HDAC9: variants seen among roughly 807,000 people sequenced by gnomAD.
HDAC9 encodes the protein MEF-2 interacting transcription repressor (MITR) protein.
In HDAC9, 41 loss-of-function variants were observed where a neutral mutation model predicts 139.4. That is an observed-to-expected ratio of 0.29 (90% CI 0.23 to 0.38). HDAC9 has a LOEUF of 0.38. HDAC9 is among the 10% of genes least tolerant of loss of function. HDAC9 has a pLI of 1.00. For missense variants in HDAC9, 1,147 were observed against 1,297.0 expected (o/e 0.88, Z 1.78); for synonymous variants, 517 against 476.2 (o/e 1.09, Z -1.12).
chr7:18,953,521 G>A (rs940370243), intron 23 of HDAC9, among the ~76,000 whole-genome samples: 4 of 152,130 alleles, frequency 2.6e-5, no homozygotes, highest in Admixed American at 2.0e-4. Context: ...AGATTTGCAA[G>A]GTAGGAGTTT....
intron 1 of HDAC9, among the ~76,000 whole-genome samples, chr7:18,402,146 A>G (rs557161255): frequency 1.3e-5 from 2 of 152,216 alleles, no homozygotes; most frequent in Non-Finnish European, 2.9e-5. Context: ...GGGGGTGGAT[A>G]CAATGAAAAA....
chr7:18,742,512 CA>C (rs1383824911), intron 13 of HDAC9, among the ~76,000 whole-genome samples: 1 of 152,070 alleles, frequency 6.6e-6, no homozygotes, highest in African/African-American at 2.4e-5. Flanking sequence ...ATAAGCAAAC[CA>C]AAAAACTCAT....
intron 9 of HDAC9, among the ~76,000 whole-genome samples, chr7:18,646,709 A>G (rs1258955737): frequency 6.6e-6 from 1 of 152,152 alleles, no homozygotes; most frequent in Admixed American, 6.6e-5. Flanking sequence ...TTGAAAAGAA[A>G]CATGCCACAT....
At chr7:18,253,202 T>C (rs1271266818) in intron 2 of HDAC9, among the ~76,000 whole-genome samples, 1 of 152,244 alleles carries the variant, frequency 6.6e-6, no homozygotes, top group Non-Finnish European at 1.5e-5. Context: ...TGAATACTAC[T>C]GCAGTGAGCA....
intron 21 of HDAC9, among the ~76,000 whole-genome samples, chr7:18,857,747 T>G (rs1245691623): frequency 3.3e-5 from 5 of 152,108 alleles, no homozygotes; most frequent in Non-Finnish European, 7.4e-5. Context: ...TCACTGTAGA[T>G]GTTCAATGAA....
chr7:18,650,537 T>C (rs965013943), intron 11 of HDAC9, among the ~76,000 whole-genome samples: 2 of 152,200 alleles, frequency 1.3e-5, no homozygotes, highest in Non-Finnish European at 2.9e-5. Context: ...TCAGAATCTT[T>C]CCTTTTCAGT....
intron 7 of HDAC9, 72 bp downstream of exon 7, chr7:18,629,553 AC>A (rs1209071638): frequency 7.3e-7 from 1 of 1,370,916 alleles, no homozygotes; most frequent in Admixed American, 2.3e-5. Context: ...GAATAAATAT[AC>A]CTGCTGCATA....
intron 2 of HDAC9, among the ~76,000 whole-genome samples, chr7:18,552,546 C>T (rs1817495153): frequency 6.6e-6 from 1 of 152,106 alleles, no homozygotes; most frequent in South Asian, 2.1e-4. Context: ...GCAGAAGCTG[C>T]TTCTTTATTT....
intron 21 of HDAC9, among the ~76,000 whole-genome samples, chr7:18,838,799 TA>T (rs1796400544): frequency 6.6e-6 from 1 of 151,982 alleles, no homozygotes; most frequent in Non-Finnish European, 1.5e-5. Context: ...TCTGGACTCT[TA>T]CAAGTATCTT....
At chr7:18,970,646 G>C (rs749866757) in intron 24 of HDAC9, among the ~76,000 whole-genome samples, 1 of 152,010 alleles carries the variant, frequency 6.6e-6, no homozygotes, top group Non-Finnish European at 1.5e-5. Flanking sequence ...TCTTAAAAAC[G>C]TATTAAGTTT....
chr7:18,642,317 C>T (rs1446352701), intron 8 of HDAC9, among the ~76,000 whole-genome samples: 1 of 152,074 alleles, frequency 6.6e-6, no homozygotes, highest in Non-Finnish European at 1.5e-5. Flanking sequence ...GCTTCAGAGC[C>T]TGAGTTTGCT....
chr7:18,419,734 T>C (rs879683875), intron 1 of HDAC9, among the ~76,000 whole-genome samples: 7 of 152,236 alleles, frequency 4.6e-5, no homozygotes, highest in African/African-American at 7.2e-5. Flanking sequence ...CCCATTTTTT[T>C]TTTAATAAAT....
intron 21 of HDAC9, among the ~76,000 whole-genome samples, chr7:18,866,143 T>C (rs190516791): frequency 1.3e-5 from 2 of 150,038 alleles, no homozygotes; most frequent in Admixed American, 1.3e-4. Context: ...TTTCCAACCA[T>C]CTTTCCTTTC....
At chr7:18,876,799 T>C (rs535925595) in intron 22 of HDAC9, among the ~76,000 whole-genome samples, 2 of 151,528 alleles carry the variant, frequency 1.3e-5, no homozygotes, top group East Asian at 3.9e-4. Flanking sequence ...GCCTCCCGGG[T>C]TTAAGCAGTT....
intron 1 of HDAC9, among the ~76,000 whole-genome samples, chr7:18,468,033 G>C (rs1396949031): frequency 6.6e-6 from 1 of 152,144 alleles, no homozygotes; most frequent in Non-Finnish European, 1.5e-5. Flanking sequence ...AAAGATCATG[G>C]AGGTGAAGTA....
chr7:18,294,862 G>C (rs1291969630), intron 1 of HDAC9, among the ~76,000 whole-genome samples: 3 of 152,156 alleles, frequency 2.0e-5, no homozygotes, highest in Non-Finnish European at 4.4e-5. Context: ...TGTCAGGGGT[G>C]TAGGGGCAGT....
At chr7:18,567,402 ATACT>A (rs974123742) in intron 2 of HDAC9, among the ~76,000 whole-genome samples, 3 of 152,188 alleles carry the variant, frequency 2.0e-5, no homozygotes, top group Non-Finnish European at 4.4e-5. Flanking sequence ...AACCATGATA[ATACT>A]TACCTTTTTA....
chr7:18,190,172 T>A (rs549231775), intron 2 of HDAC9, among the ~76,000 whole-genome samples: 1 of 152,294 alleles, frequency 6.6e-6, no homozygotes, highest in Admixed American at 6.5e-5. Flanking sequence ...TCAAAACTCC[T>A]GACCTCAGTT....
At chr7:18,243,861 A>G (rs1057042566) in intron 2 of HDAC9, among the ~76,000 whole-genome samples, 2 of 152,250 alleles carry the variant, frequency 1.3e-5, no homozygotes, top group African/African-American at 4.8e-5. Flanking sequence ...AGATACAGCA[A>G]GATTAGGGAG....
Sources: allele counts gnomAD v4.1 joint callset (sites outside exome capture counted in the v4.1 genomes callset), GRCh38; gene constraint gnomAD v4.1.1; transcripts MANE v1.5; gene names NCBI Gene and HGNC (gene_info 2026-07-23, HGNC 2026-07-21).